GRM7: variants seen among roughly 807,000 people sequenced by gnomAD.
GRM7 encodes glutamate metabotropic receptor 7.
In GRM7, 35 loss-of-function variants were observed where a neutral mutation model predicts 84.5. That is an observed-to-expected ratio of 0.41 (90% CI 0.32 to 0.55). The LOEUF is 0.55. Ranked by LOEUF, GRM7 falls within the 20% of genes least tolerant of loss-of-function variation. The pLI is 0.19. For synonymous variants in GRM7, 487 were observed against 455.1 expected, an observed-to-expected ratio of 1.07 and a Z score of -0.89; for missense variants, 1,003 against 1,194.6, an observed-to-expected ratio of 0.84 and a Z score of 2.36.
intron 2 of GRM7, among the ~76,000 whole-genome samples, chr3:7,206,644 G>A (rs1421533066): frequency 1.3e-5 from 2 of 152,174 alleles, no homozygotes. Flanking sequence ...AGACAGGAGA[G>A]CCTATATTTA....
intron 1 of GRM7, among the ~76,000 whole-genome samples, chr3:6,977,780 T>C (rs992629393): frequency 2.6e-5 from 4 of 152,192 alleles, no homozygotes; most frequent in African/African-American, 9.7e-5. Context: ...CTTCAGTGGG[T>C]TAAGGAGCCA....
At position 6,885,499 on chromosome 3, in the gene GRM7, G is replaced by A. The variant is rs143265645; in HGVS notation, c.519+23592G>A. Among the ~76,000 whole-genome samples the A allele has an allele frequency of 1.8e-4, 28 of 152,240 alleles. No individual in the cohort carries two copies. In the East Asian group the frequency reaches 4.6e-3, roughly 25 times the overall value. ...GCACATTGGTGGGAGTGTCTTATGC[G>A]GAGGTGTTTCCACCCTGACCTGTTT... On this transcript the variant is annotated intron_variant, in intron 1 of 9. Transcript: ENST00000357716.
At chr3:7,147,555 G>T (rs999057507) in intron 2 of GRM7, among the ~76,000 whole-genome samples, 5 of 152,128 alleles carry the variant, frequency 3.3e-5, no homozygotes, top group African/African-American at 1.2e-4. Context: ...TAGAAAGAGA[G>T]CTCCATGTTA....
chr3:7,618,636 T>C (rs1697219927), intron 8 of GRM7, among the ~76,000 whole-genome samples: 1 of 152,148 alleles, frequency 6.6e-6, no homozygotes, highest in Admixed American at 6.6e-5. Context: ...TCTGGATGAA[T>C]GTCCTTTTGC....
intron 4 of GRM7, among the ~76,000 whole-genome samples, chr3:7,337,038 A>G (rs1481918583): frequency 6.6e-6 from 1 of 152,148 alleles, no homozygotes; most frequent in African/African-American, 2.4e-5. Flanking sequence ...AGAACTAGAA[A>G]AAACAATAGC....
intron 5 of GRM7, among the ~76,000 whole-genome samples, chr3:7,430,759 C>T (rs747885240): frequency 1.3e-5 from 2 of 152,276 alleles, no homozygotes; most frequent in South Asian, 2.1e-4. Flanking sequence ...ATTATCTTTT[C>T]GAGATGTTTC....
intron 4 of GRM7, among the ~76,000 whole-genome samples, chr3:7,320,676 T>A (rs1309086684): frequency 1.1e-5 from 1 of 94,178 alleles, no homozygotes; most frequent in African/African-American, 5.3e-5. Flanking sequence ...CATCAGTGGG[T>A]GATCAGTGTG....
rs556087711 is a variant in GRM7, at chr3:7,078,817, T to G, written c.520-67635T>G. On this transcript the variant is annotated intron_variant, in intron 1 of 9. Transcript: ENST00000357716. The stretch of plus-strand genomic sequence containing the variant: ...GGAGGAAATGTAGGCTTCTCTCCTA[T>G]TGGCATTTTCTGAGTCCTTTTGGAA... Among the ~76,000 whole-genome samples, 8 of 151,866 alleles carry G rather than the reference T, an allele frequency of 5.3e-5. No homozygotes were observed. The East Asian group carries it at 1.6e-3, about 29-fold the overall frequency.
chr3:6,955,569 G>A (rs1693003635), intron 1 of GRM7, among the ~76,000 whole-genome samples: 2 of 151,958 alleles, frequency 1.3e-5, no homozygotes, highest in African/African-American at 4.8e-5. Flanking sequence ...ACAGGGCTGG[G>A]CACAGTGACT....
intron 2 of GRM7, among the ~76,000 whole-genome samples, chr3:7,198,414 C>A (rs1695952974): frequency 6.6e-6 from 1 of 152,108 alleles, no homozygotes; most frequent in African/African-American, 2.4e-5. Context: ...GTACTGATAA[C>A]CTTCTATATC....
chr3:7,639,899 A>G (rs1465776316), intron 8 of GRM7, among the ~76,000 whole-genome samples: 1 of 152,186 alleles, frequency 6.6e-6, no homozygotes, highest in Non-Finnish European at 1.5e-5. Flanking sequence ...CGATTTGATC[A>G]TCATAGATTA....
intron 4 of GRM7, among the ~76,000 whole-genome samples, chr3:7,328,955 G>A (rs186836799): frequency 5.3e-5 from 8 of 152,146 alleles, no homozygotes; most frequent in African/African-American, 1.7e-4. Flanking sequence ...CTTTGCAGGT[G>A]CTCTTCCTTT....
At chr3:7,224,675 A>G (rs76602874) in intron 2 of GRM7, among the ~76,000 whole-genome samples, 4,028 of 152,304 alleles carry the variant, frequency 0.026, 105 homozygotes, top group African/African-American at 0.069. Context: ...ATAGCAAAAT[A>G]TCTTAAACTT....
chr3:7,276,439 C>T (rs964453968), intron 2 of GRM7, among the ~76,000 whole-genome samples: 6 of 151,852 alleles, frequency 4.0e-5, no homozygotes, highest in African/African-American at 7.3e-5. Context: ...CATTGCATGG[C>T]GATCCTCCCT....
At chr3:7,538,871 G>T (rs1692709534) in intron 7 of GRM7, among the ~76,000 whole-genome samples, 1 of 152,176 alleles carries the variant, frequency 6.6e-6, no homozygotes, top group Admixed American at 6.5e-5. Flanking sequence ...TTATTAAGCA[G>T]GTTATCAGAA....
intron 1 of GRM7, among the ~76,000 whole-genome samples, chr3:7,077,618 T>C (rs999748105): frequency 6.6e-6 from 1 of 151,938 alleles, no homozygotes; most frequent in East Asian, 1.9e-4. Flanking sequence ...AAATACCTAG[T>C]GTAGATGATG....
At chr3:7,086,008 G>A (rs1258175204) in intron 1 of GRM7, among the ~76,000 whole-genome samples, 2 of 151,544 alleles carry the variant, frequency 1.3e-5, no homozygotes, top group Non-Finnish European at 1.5e-5. Flanking sequence ...GGGTTGATAA[G>A]GACAGTAAAA....
rs1390596488 is a variant in GRM7, at chr3:6,955,758, C to T, written c.519+93851C>T. 1.5e-4 allele frequency among the ~76,000 whole-genome samples: 23 copies of T among 150,608 alleles called. No homozygotes were observed. The Admixed American group carries it at 1.5e-3, about 10-fold the overall frequency. On this transcript the variant is annotated intron_variant, in intron 1 of 9. Coordinates refer to ENST00000357716, the MANE Select transcript of GRM7 (RefSeq NM_000844.4). The stretch of plus-strand genomic sequence containing the variant: ...TTGGGAGGCTGAGGCACGAGAATCA[C>T]ATGAACCCTTAAGGCAGAGATTGCA...
chr3:7,581,201 G>A (rs955712757), intron 8 of GRM7, among the ~76,000 whole-genome samples: 3 of 152,034 alleles, frequency 2.0e-5, no homozygotes, highest in Non-Finnish European at 4.4e-5. Context: ...TAAGGTCACA[G>A]GTATAATTTA....
Sources: gnomAD v4.1 joint callset for allele counts (sites outside exome capture counted in the v4.1 genomes callset) on GRCh38, gnomAD v4.1.1 for gene constraint, MANE v1.5 for transcripts, NCBI Gene and HGNC (gene_info 2026-07-23, HGNC 2026-07-21) for gene names.